The following PLS3 variants were observed in gnomAD, a reference collection of about 807,000 sequenced individuals.
The protein encoded by PLS3 is plastin-3.
PLS3 carries 11 observed loss-of-function variants against 46.5 expected under a neutral mutation model. That is an observed-to-expected ratio of 0.24 (90% CI 0.15 to 0.39). The LOEUF is 0.39. Ranked by LOEUF, PLS3 falls within the 10% of genes least tolerant of loss-of-function variation. PLS3 has a pLI of 1.00. For missense variants in PLS3, 308 were observed against 461.8 expected (o/e 0.67, Z 3.05); for synonymous variants, 167 against 162.2 (o/e 1.03, Z -0.22).
chrX:115,568,632 A>G (rs2074192557), intron 1 of PLS3, among the ~76,000 whole-genome samples: 2 of 112,385 alleles, frequency 1.8e-5, no homozygotes, highest in South Asian at 3.7e-4. Flanking sequence ...TTTGCACTCT[A>G]TCATTTTTTA....
chrX:115,579,926 C>G (rs1186556925), intron 1 of PLS3, among the ~76,000 whole-genome samples: 1 of 110,903 alleles, frequency 9.0e-6, no homozygotes, highest in Non-Finnish European at 1.9e-5. Flanking sequence ...GTTATATTGC[C>G]CAGGCTGATG....
chrX:115,585,384 C>CT (rs1230366749), intron 1 of PLS3, among the ~76,000 whole-genome samples: 4 of 109,865 alleles, frequency 3.6e-5, no homozygotes, highest in South Asian at 3.8e-4. Flanking sequence ...TTTAAAAAGT[C>CT]TTTTTTTTTG....
chrX:115,607,749 C>T (rs986976426), intron 1 of PLS3, among the ~76,000 whole-genome samples: 1 of 112,029 alleles, frequency 8.9e-6, no homozygotes, highest in South Asian at 3.7e-4. Context: ...GCAATCCACC[C>T]GCCTCCACCT....
chrX:115,625,038 A>G (rs782672594), intron 3 of PLS3, among the ~76,000 whole-genome samples: 11 of 111,990 alleles, frequency 9.8e-5, no homozygotes, highest in Non-Finnish European at 1.9e-4. Flanking sequence ...TACTACTACT[A>G]TGACTGTATT....
chrX:115,601,259 T>C (rs34659598), intron 1 of PLS3, among the ~76,000 whole-genome samples: 7,878 of 109,235 alleles, frequency 0.072, 462 homozygotes, highest in African/African-American at 0.19. Flanking sequence ...GTAGTACATA[T>C]AATGGGAAGT....
intron 1 of PLS3, among the ~76,000 whole-genome samples, chrX:115,567,261 G>C (rs1556630242): frequency 9.0e-6 from 1 of 111,416 alleles, no homozygotes; most frequent in Admixed American, 9.6e-5. Context: ...AAACTGCATA[G>C]TGGAAGAGAT....
chrX:115,615,439 T>C (rs942730552), intron 2 of PLS3, among the ~76,000 whole-genome samples: 8 of 98,957 alleles, frequency 8.1e-5, no homozygotes, highest in Non-Finnish European at 6.1e-5. Context: ...AAGAGAATAA[T>C]GAGATTTCCT....
chrX:115,609,291 T>A (rs2074525232), intron 1 of PLS3, among the ~76,000 whole-genome samples: 1 of 111,011 alleles, frequency 9.0e-6, no homozygotes, highest in Admixed American at 9.7e-5. Context: ...CCATATAGGT[T>A]CAGATCATAA....
intron 1 of PLS3, among the ~76,000 whole-genome samples, chrX:115,599,996 G>A (rs2074427760): frequency 9.0e-6 from 1 of 110,710 alleles, no homozygotes; most frequent in African/African-American, 3.3e-5. Flanking sequence ...GACTATCCCA[G>A]GCACTTGTTT....
chrX:115,630,072 A>G, intron 5 of PLS3, 105 bp downstream of exon 5: 1 of 547,044 alleles, frequency 1.8e-6, no homozygotes, highest in Non-Finnish European at 2.9e-6. Flanking sequence ...AGAAATAACT[A>G]GAATGGAAAA....
chrX:115,620,996 C>G (rs2074648374), intron 2 of PLS3, among the ~76,000 whole-genome samples: 2 of 99,394 alleles, frequency 2.0e-5, no homozygotes, highest in Admixed American at 2.2e-4. Flanking sequence ...GCCCAGCCTG[C>G]TTTATTTTTT....
At chrX:115,612,709 A>G (rs1162775457) in intron 2 of PLS3, among the ~76,000 whole-genome samples, 1 of 111,719 alleles carries the variant, frequency 9.0e-6, no homozygotes, top group Admixed American at 9.6e-5. Context: ...ACTGCTAATC[A>G]TAGGTTTTGT....
intron 5 of PLS3, among the ~76,000 whole-genome samples, chrX:115,631,559 C>A (rs1261680439): frequency 1.8e-5 from 2 of 109,863 alleles, no homozygotes; most frequent in African/African-American, 6.6e-5. Context: ...AAAACGAGAC[C>A]CTGTCTCTAC....
intron 5 of PLS3, among the ~76,000 whole-genome samples, chrX:115,630,463 C>T (rs73581657): frequency 0.018 from 1,950 of 109,432 alleles, 42 homozygotes; most frequent in African/African-American, 0.061. Flanking sequence ...TAGCATGCTC[C>T]ATAATCAGTC....
intron 1 of PLS3, among the ~76,000 whole-genome samples, chrX:115,579,440 G>A (rs997290630): frequency 8.9e-6 from 1 of 111,897 alleles, no homozygotes; most frequent in African/African-American, 3.3e-5. Flanking sequence ...ATGCTGAGTT[G>A]TATGAGAGTT....
At chrX:115,634,684 G>A (rs781878938) in intron 6 of PLS3, among the ~76,000 whole-genome samples, 197 bp from the exon 7 acceptor site, 2 of 112,372 alleles carry the variant, frequency 1.8e-5, no homozygotes, top group South Asian at 7.4e-4. Context: ...AAAGGCAATA[G>A]CAATAAGGCT....
At chrX:115,601,758 T>C in intron 1 of PLS3, among the ~76,000 whole-genome samples, 1 of 111,910 alleles carries the variant, frequency 8.9e-6, no homozygotes, top group Non-Finnish European at 1.9e-5. Context: ...GGTGGTTGAC[T>C]GATCCTCCCT....
chrX:115,566,496 C>G (rs1556630129), intron 1 of PLS3, among the ~76,000 whole-genome samples: 1 of 107,410 alleles, frequency 9.3e-6, no homozygotes, highest in Non-Finnish European at 1.9e-5. Flanking sequence ...TCAGGCCATT[C>G]TCCTGCCTCA....
intron 1 of PLS3, among the ~76,000 whole-genome samples, chrX:115,581,440 A>C (rs781796205): frequency 8.9e-6 from 1 of 112,364 alleles, no homozygotes; most frequent in Non-Finnish European, 1.9e-5. Flanking sequence ...TAAAAATTAC[A>C]AAAAGCATCT....
Sources: gnomAD v4.1 joint callset for allele counts (sites outside exome capture counted in the v4.1 genomes callset) on GRCh38, gnomAD v4.1.1 for gene constraint, MANE v1.5 for transcripts, NCBI Gene and HGNC (gene_info 2026-07-23, HGNC 2026-07-21) for gene names.